RGS7: variants seen among roughly 807,000 people sequenced by gnomAD.
The protein encoded by RGS7 is regulator of G protein signaling 7.
RGS7 carries 27 observed loss-of-function variants against 81.1 expected under a neutral mutation model. The ratio of observed to expected loss-of-function variants is 0.33; its 90% confidence interval spans 0.25 to 0.46. RGS7 has a LOEUF of 0.46. RGS7 is among the 20% of genes least tolerant of loss of function. RGS7 has a pLI of 1.00. For synonymous variants in RGS7, 208 were observed against 207.7 expected (o/e 1.00, Z -0.01); for missense variants, 396 against 607.4 (o/e 0.65, Z 3.66).
chr1:240,812,073 T>C (rs1314032551), intron 13 of RGS7, 30 bp from the exon 14 acceptor site: 1 of 1,613,702 alleles, frequency 6.2e-7, no homozygotes, highest in East Asian at 2.2e-5. Context: ...GGCAAATACA[T>C]TCCTTTCATT....
intron 2 of RGS7, among the ~76,000 whole-genome samples, chr1:241,136,669 AAAG>A (rs1435335982): frequency 2.0e-5 from 3 of 152,190 alleles, no homozygotes; most frequent in African/African-American, 7.2e-5. Flanking sequence ...TGCAGAGAAC[AAAG>A]AAGATTACGT....
chr1:241,083,876 T>C (rs2063289686), intron 3 of RGS7, among the ~76,000 whole-genome samples: 1 of 152,026 alleles, frequency 6.6e-6, no homozygotes. Context: ...ATTCCTATGA[T>C]GAATGAAAAA....
chr1:241,162,331 G>T (rs985127817), intron 2 of RGS7, among the ~76,000 whole-genome samples: 1 of 151,608 alleles, frequency 6.6e-6, no homozygotes, highest in African/African-American at 2.4e-5. Flanking sequence ...ACGCTCTGCT[G>T]GTAAGGGAAA....
chr1:240,792,060 CATAAT>C (rs1044379480), intron 18 of RGS7, among the ~76,000 whole-genome samples: 40 of 152,112 alleles, frequency 2.6e-4, no homozygotes, highest in African/African-American at 9.6e-4. Context: ...AATTTTGTAC[CATAAT>C]ATGAGATTCA....
chr1:240,823,087 A>T, intron 10 of RGS7: 1 of 858,944 alleles, frequency 1.2e-6, no homozygotes, highest in Non-Finnish European at 1.9e-6. Context: ...AATTGCTGAA[A>T]TAAGTGAGTC....
intron 2 of RGS7, among the ~76,000 whole-genome samples, chr1:241,211,347 A>G (rs2074231471): frequency 6.6e-6 from 1 of 152,170 alleles, no homozygotes; most frequent in Non-Finnish European, 1.5e-5. Context: ...TAGTCAGATA[A>G]GAGTCTCATA....
intron 2 of RGS7, among the ~76,000 whole-genome samples, chr1:241,290,186 T>C (rs2079018164): frequency 6.6e-6 from 1 of 152,162 alleles, no homozygotes; most frequent in South Asian, 2.1e-4. Flanking sequence ...GGAGTACATA[T>C]TTAATAGTGC....
intron 2 of RGS7, among the ~76,000 whole-genome samples, chr1:241,341,420 T>C (rs766969202): frequency 7.9e-5 from 12 of 152,212 alleles, no homozygotes; most frequent in Admixed American, 1.3e-4. Flanking sequence ...GTAAAAATAC[T>C]TGGTAAAATG....
intron 3 of RGS7, among the ~76,000 whole-genome samples, chr1:241,042,199 C>T (rs983566110): frequency 2.6e-5 from 4 of 152,162 alleles, no homozygotes; most frequent in African/African-American, 9.7e-5. Flanking sequence ...TAACTACAAT[C>T]TATGCATGTA....
intron 9 of RGS7, among the ~76,000 whole-genome samples, chr1:240,852,614 A>G (rs1318422277): frequency 6.6e-6 from 1 of 152,156 alleles, no homozygotes; most frequent in African/African-American, 2.4e-5. Context: ...AACTGTTATT[A>G]TCTACTGCCC....
chr1:241,255,165 T>C (rs1460050949), intron 2 of RGS7, among the ~76,000 whole-genome samples: 3 of 152,214 alleles, frequency 2.0e-5, no homozygotes, highest in African/African-American at 4.8e-5. Context: ...TTTTAATTCA[T>C]CTGAGTGATA....
intron 15 of RGS7, among the ~76,000 whole-genome samples, 160 bp from the exon 16 acceptor site, chr1:240,803,153 C>A (rs560272326): frequency 6.6e-6 from 1 of 152,192 alleles, no homozygotes; most frequent in African/African-American, 2.4e-5. Flanking sequence ...TTTAGATCTT[C>A]AAATTCATTA....
chr1:241,100,373 T>A (rs1418670880), intron 2 of RGS7, among the ~76,000 whole-genome samples: 10 of 61,422 alleles, frequency 1.6e-4, no homozygotes, highest in African/African-American at 1.2e-3. Flanking sequence ...AGACTCCATT[T>A]CAAAAAAAAA....
intron 6 of RGS7, among the ~76,000 whole-genome samples, chr1:240,916,593 A>T (rs913200196): frequency 1.3e-5 from 2 of 152,250 alleles, no homozygotes; most frequent in Middle Eastern, 3.4e-3. Context: ...GTCACATGAG[A>T]TCATAAGGGT....
At chr1:240,930,660 CA>C (rs769809620) in intron 6 of RGS7, 56 bp downstream of exon 6, 11 of 1,474,490 alleles carry the variant, frequency 7.5e-6, no homozygotes, top group African/African-American at 1.4e-5. Context: ...AACGCAAGTA[CA>C]CATCCATCTA....
intron 18 of RGS7, among the ~76,000 whole-genome samples, chr1:240,795,839 T>C (rs1686964845): frequency 6.6e-6 from 1 of 152,224 alleles, no homozygotes. Flanking sequence ...TAAGTATTTA[T>C]ATTTATTTGT....
Position 240,806,168 on chromosome 1 carries a change from G to C in RGS7, c.1241C>G (p.Pro414Arg), listed in dbSNP as rs1388235355. 3.7e-6 allele frequency: 6 copies of C among 1,613,846 alleles called. No individual in the cohort carries two copies. In the African/African-American group the frequency reaches 6.7e-5, roughly 18 times the overall value. ...YDKTTQNVKE[P>R]GRYTFEDAQE... ...AGCATCTTCAAATGTGTATCGTCCA[G>C]GTTCCTTCACGTTCTGTGTGGTTTT... is the stretch of plus-strand genomic sequence containing the variant. Residue 414 changes from proline to arginine, a missense_variant, in exon 15 of 19, where the codon CCT becomes CGT. Physicochemically the swap from Pro to Arg is moderately radical, Grantham distance 103 (BLOSUM62 -2). Coordinates refer to ENST00000440928, the MANE Select transcript of RGS7 (RefSeq NM_001364886.1).
At chr1:241,127,890 AAAT>A (rs2066783270) in intron 2 of RGS7, among the ~76,000 whole-genome samples, 1 of 152,208 alleles carries the variant, frequency 6.6e-6, no homozygotes, top group Non-Finnish European at 1.5e-5. Flanking sequence ...TTTCAACCAA[AAAT>A]AATAACACTG....
chr1:241,011,772 C>T (rs1363891174), intron 3 of RGS7, among the ~76,000 whole-genome samples: 3 of 152,142 alleles, frequency 2.0e-5, no homozygotes, highest in African/African-American at 4.8e-5. Flanking sequence ...GTAATAATAT[C>T]GATTCTTACA....
Sources: gnomAD v4.1 joint callset for allele counts (sites outside exome capture counted in the v4.1 genomes callset) on GRCh38, gnomAD v4.1.1 for gene constraint, MANE v1.5 for transcripts, NCBI Gene and HGNC (gene_info 2026-07-23, HGNC 2026-07-21) for gene names.